The following NCKAP5 variants were observed in gnomAD, a reference collection of about 807,000 sequenced individuals.
The protein encoded by NCKAP5 is NCK associated protein 5.
NCKAP5 carries 92 observed loss-of-function variants against 167.0 expected under a neutral mutation model. The ratio of observed to expected loss-of-function variants is 0.55; its 90% CI spans 0.47 to 0.66. The LOEUF (loss-of-function observed/expected upper bound fraction) is 0.66, where lower values mean the gene tolerates loss of function less well. Ranked by LOEUF, NCKAP5 falls within the 30% of genes least tolerant of loss-of-function variation. The pLI, the probability that NCKAP5 is intolerant of heterozygous loss-of-function variation, is 0.00. For synonymous variants in NCKAP5, 891 were observed against 877.4 expected (o/e 1.02, Z -0.27); for missense variants, 2,378 against 2,315.0 (o/e 1.03, Z -0.56).
intron 16 of NCKAP5, among the ~76,000 whole-genome samples, chr2:132,762,786 C>A (rs1252522326): frequency 6.6e-6 from 1 of 152,196 alleles, no homozygotes; most frequent in Admixed American, 6.5e-5. Context: ...TCTGGGGGTA[C>A]TAATCTGAGA....
At chr2:133,252,730 C>T (rs1426209747) in intron 4 of NCKAP5, among the ~76,000 whole-genome samples, 2 of 152,152 alleles carry the variant, frequency 1.3e-5, no homozygotes, top group East Asian at 3.9e-4. Flanking sequence ...CCACCAAAGA[C>T]AAATGGAGAA....
intron 6 of NCKAP5, among the ~76,000 whole-genome samples, chr2:133,058,618 A>T (rs1239100035): frequency 6.6e-6 from 1 of 152,202 alleles, no homozygotes; most frequent in Admixed American, 6.5e-5. Context: ...AAACATAAAC[A>T]GATAAGTTAC....
intron 3 of NCKAP5, among the ~76,000 whole-genome samples, chr2:133,402,226 G>A (rs1688149791): frequency 6.6e-6 from 1 of 152,090 alleles, no homozygotes; most frequent in Admixed American, 6.5e-5. Context: ...CAAGCACTGT[G>A]CACTCACGCC....
intron 19 of NCKAP5, among the ~76,000 whole-genome samples, chr2:132,689,299 C>A (rs115367483): frequency 6.6e-6 from 1 of 152,280 alleles, no homozygotes; most frequent in Non-Finnish European, 1.5e-5. Flanking sequence ...TGGTGTGTTA[C>A]CACATGTACT....
In NCKAP5 at chr2:132,827,014, C is replaced by T. The variant is rs577602327; in HGVS notation, c.808-30285G>A. Among the ~76,000 whole-genome samples the T allele has an allele frequency of 1.4e-3, 219 of 152,026 alleles. 1 individual carries two copies. Among genetic ancestry groups the T allele is most frequent in the African/African-American group, 4.9e-3 (203 of 41,466 alleles). On this transcript the variant is annotated intron_variant, in intron 11 of 19. Transcript: ENST00000409261. ...CTAGGTATCGACAGAGGCACTGATACGTGAAAAGGGAAGAAAAGAGGCTGC... is the reference window on the plus strand; with the variant it reads ...CTAGGTATCGACAGAGGCACTGATATGTGAAAAGGGAAGAAAAGAGGCTGC...
intron 5 of NCKAP5, among the ~76,000 whole-genome samples, chr2:133,160,439 C>CTTTTT (rs796129741): frequency 2.0e-5 from 1 of 49,802 alleles, no homozygotes; most frequent in Non-Finnish European, 4.2e-5. Flanking sequence ...CTTTCTTTTT[C>CTTTTT]TTTTTTTTTT....
rs181472517 is a variant in NCKAP5 at position 133,356,083 on chromosome 2, T to C, written c.70-52973A>G. Among the ~76,000 whole-genome samples the C allele has an allele frequency of 1.8e-3, 273 of 152,084 alleles. 3 individuals are homozygous for C. The highest frequency in any genetic ancestry group is 0.017 in the Admixed American group (254 of 15,274). ...CTGGGATTACAGGCATGCACCACCA[T>C]GCCTGGCTAACTTGTGGATTTTTGA... On this transcript the variant is annotated intron_variant, in intron 3 of 19. Transcript: ENST00000409261.
intron 7 of NCKAP5, 122 bp downstream of exon 7, chr2:132,994,030 T>A (rs1482790568): frequency 3.3e-6 from 2 of 597,924 alleles, no homozygotes; most frequent in Non-Finnish European, 5.6e-6. Flanking sequence ...ACTAGGTGGC[T>A]TTTAGCACTG....
At chr2:133,057,205 G>A (rs2079835520) in intron 6 of NCKAP5, among the ~76,000 whole-genome samples, 1 of 151,878 alleles carries the variant, frequency 6.6e-6, no homozygotes, top group Non-Finnish European at 1.5e-5. Context: ...CTCTCCTCAG[G>A]CCTCCCAATT....
At chr2:133,228,285 T>A (rs1330101430) in intron 4 of NCKAP5, among the ~76,000 whole-genome samples, 1 of 152,212 alleles carries the variant, frequency 6.6e-6, no homozygotes, top group Non-Finnish European at 1.5e-5. Context: ...TTTTTATATA[T>A]TTCTTAATTA....
intron 3 of NCKAP5, among the ~76,000 whole-genome samples, chr2:133,516,788 G>A (rs1684038640): frequency 6.6e-6 from 1 of 152,186 alleles, no homozygotes; most frequent in Non-Finnish European, 1.5e-5. Context: ...AAGTTTGCTT[G>A]ATTTGATTCC....
chr2:133,009,047 A>G (rs543908284), intron 6 of NCKAP5, among the ~76,000 whole-genome samples: 5 of 152,270 alleles, frequency 3.3e-5, no homozygotes, highest in African/African-American at 1.2e-4. Context: ...TAGTCCTGAA[A>G]TATGTTTTCC....
At chr2:132,901,096 C>T (rs566617223) in intron 8 of NCKAP5, among the ~76,000 whole-genome samples, 2 of 152,150 alleles carry the variant, frequency 1.3e-5, no homozygotes, top group South Asian at 4.2e-4. Flanking sequence ...GCCCTTCTAC[C>T]CATTACACTG....
At chr2:133,011,501 T>C (rs1394590473) in intron 6 of NCKAP5, among the ~76,000 whole-genome samples, 1 of 152,228 alleles carries the variant, frequency 6.6e-6, no homozygotes, top group African/African-American at 2.4e-5. Context: ...CCCTAGGACT[T>C]AATTATCTAT....
At chr2:133,650,754 C>T in the NCKAP5 span, among the ~76,000 whole-genome samples, 35,896 of 151,818 alleles carry the variant, frequency 0.24, 4,470 homozygotes, top group East Asian at 0.32. Flanking sequence ...TGGTGGTGGG[C>T]GCCTGTAATC....
At chr2:132,945,962 C>A (rs1253309054) in intron 8 of NCKAP5, among the ~76,000 whole-genome samples, 1 of 152,210 alleles carries the variant, frequency 6.6e-6, no homozygotes, top group Admixed American at 6.5e-5. Context: ...CTCTCTACTT[C>A]TTCTGGCTAT....
At chr2:132,699,537 T>A (rs1437385111) in intron 19 of NCKAP5, among the ~76,000 whole-genome samples, 1 of 151,862 alleles carries the variant, frequency 6.6e-6, no homozygotes, top group East Asian at 1.9e-4. Context: ...TGTCCAAGTG[T>A]TCTCATTGTT....
intron 15 of NCKAP5, among the ~76,000 whole-genome samples, chr2:132,777,989 T>C (rs1433345568): frequency 6.6e-6 from 1 of 152,106 alleles, no homozygotes; most frequent in Non-Finnish European, 1.5e-5. Context: ...ATGATTTTTA[T>C]TTTTGTCCAG....
chr2:133,561,455 C>T (rs1256421303), intron 1 of NCKAP5, among the ~76,000 whole-genome samples: 1 of 152,202 alleles, frequency 6.6e-6, no homozygotes, highest in Admixed American at 6.5e-5. Flanking sequence ...AATAACATTA[C>T]ATGAGGTATC....
Sources: allele counts gnomAD v4.1 joint callset (sites outside exome capture counted in the v4.1 genomes callset), GRCh38; gene constraint gnomAD v4.1.1; transcripts MANE v1.5; gene names NCBI Gene and HGNC (gene_info 2026-07-23, HGNC 2026-07-21).